The following ITGA6 variants were observed in gnomAD, a reference collection of about 807,000 sequenced individuals.
ITGA6 encodes integrin alpha-6.
Under a neutral mutation model 133.6 loss-of-function variants are expected in ITGA6, and 63 were observed. That is an observed-to-expected ratio of 0.47 (90% CI 0.38 to 0.58). ITGA6 has a LOEUF of 0.58. ITGA6 is among the 20% of genes least tolerant of loss of function. The pLI is 0.00. For synonymous variants in ITGA6, 434 were observed against 482.0 expected, an observed-to-expected ratio of 0.90 and a Z score of 1.30; for missense variants, 1,068 against 1,309.4, an observed-to-expected ratio of 0.82 and a Z score of 2.85.
At position 172,486,176 on chromosome 2, in the gene ITGA6, C is replaced by CAAAAAAAAAAAAAAA. The variant is rs67271824; in HGVS notation, c.1855-840_1855-826dup. Among the ~76,000 whole-genome samples the CAAAAAAAAAAAAAAA allele has an allele frequency of 2.8e-4, 22 of 77,316 alleles. No individual in the cohort carries two copies. The East Asian group carries it at 7.0e-3, about 25-fold the overall frequency. The allele number at this position is 77,316 out of a possible 152,430, so 50.7% of individuals were successfully genotyped here. A position where few individuals can be genotyped will look rare whatever the true frequency, so the allele number is the denominator to read the frequency against. On this transcript the variant is annotated intron_variant, in intron 13 of 25. Transcript: ENST00000684293. ...GGCAAAAAGAGTAAGACTCTATCTC[C>CAAAAAAAAAAAAAAA]AAAAAAAAAAAAAAAAAAAAACAAC...
At chr2:172,478,553 C>T (rs1352100474) in intron 9 of ITGA6, among the ~76,000 whole-genome samples, 1 of 152,192 alleles carries the variant, frequency 6.6e-6, no homozygotes. Flanking sequence ...AGCAGTTGGG[C>T]CACAGACCCG....
In ITGA6 at chr2:172,487,996, C is replaced by T. The variant is rs771941288; in HGVS notation, c.2360C>T (p.Ala787Val). 1.9e-6 allele frequency: 3 copies of T among 1,613,798 alleles called. No homozygotes were observed. The African/African-American group carries it at 4.0e-5, about 22-fold the overall frequency. Reference sequence around the variant, plus strand: ...CAAGATAATTTGGCTCCAATTACAGCTAAAGCAAAAGTGGTTATTGAACTG... The same window carrying T: ...CAAGATAATTTGGCTCCAATTACAGTTAAAGCAAAAGTGGTTATTGAACTG... ...SNQDNLAPIT[A>V]KAKVVIELLL... The change falls in exon 18 of 26, where the codon GCT (alanine) becomes GTT (valine). Residue 787 changes from alanine to valine, a missense_variant. Ala to Val is a moderately conservative substitution (Grantham distance 64). Coordinates refer to ENST00000684293, the MANE Select transcript of ITGA6 (RefSeq NM_000210.4).
intron 11 of ITGA6, among the ~76,000 whole-genome samples, chr2:172,481,788 A>T (rs1428477333): frequency 6.6e-6 from 1 of 152,132 alleles, no homozygotes. Context: ...CATTTTGTCG[A>T]GTGTAGAAAG....
intron 8 of ITGA6, 133 bp from the exon 9 acceptor site, chr2:172,476,262 T>C: frequency 2.8e-6 from 2 of 711,638 alleles, no homozygotes. Flanking sequence ...TTATGACTTG[T>C]ATATAATATA....
chr2:172,498,180 G>A (rs923916871), intron 24 of ITGA6, 80 bp downstream of exon 24: 19 of 1,394,450 alleles, frequency 1.4e-5, no homozygotes, highest in African/African-American at 7.1e-5. Context: ...CTGATAGTAC[G>A]TTTTCTTTTT....
chr2:172,437,961 C>T (rs1684392972), intron 1 of ITGA6, among the ~76,000 whole-genome samples: 1 of 151,676 alleles, frequency 6.6e-6, no homozygotes, highest in South Asian at 2.1e-4. Context: ...GTAGAAGCCA[C>T]TGGTGACCTT....
chr2:172,483,284 T>C (rs1272776942), intron 11 of ITGA6, among the ~76,000 whole-genome samples: 3 of 152,162 alleles, frequency 2.0e-5, no homozygotes, highest in African/African-American at 7.2e-5. Flanking sequence ...CCTGGGCATC[T>C]AAGACCCTGT....
At chr2:172,470,097 T>A (rs896619073) in intron 4 of ITGA6, among the ~76,000 whole-genome samples, 1 of 152,174 alleles carries the variant, frequency 6.6e-6, no homozygotes, top group Admixed American at 6.5e-5. Context: ...TTTTGAGAAA[T>A]GTATTAATAA....
chr2:172,459,661 T>A (rs1169975567), intron 1 of ITGA6, among the ~76,000 whole-genome samples: 1 of 152,210 alleles, frequency 6.6e-6, no homozygotes, highest in Non-Finnish European at 1.5e-5. Context: ...GAGAGCAGCA[T>A]AAAGACATTT....
At chr2:172,457,838 T>TA (rs1685275278) in intron 1 of ITGA6, among the ~76,000 whole-genome samples, 1 of 152,060 alleles carries the variant, frequency 6.6e-6, no homozygotes, top group East Asian at 1.9e-4. Context: ...GCAAACTAGG[T>TA]ATATGGTTTT....
chr2:172,474,176 A>G lies in ITGA6; in HGVS notation c.897A>G (p.Ala299=). The G allele has an allele frequency of 6.2e-7, 1 of 1,614,160 alleles. No individual in the cohort carries two copies. The highest frequency in any genetic ancestry group is 1.3e-5 in the African/African-American group (1 of 75,046). ...TGCTGAAGAGAGACATGAAGTCTGC[A>G]CATCTCCTCCCTGAGCACATATTCG... The part of the protein sequence containing the change: ...VVLLKRDMKS[A]HLLPEHIFDG... Residue 299 remains alanine, a synonymous_variant, in exon 6 of 26, where the codon GCA becomes GCG. Coordinates refer to ENST00000684293, the MANE Select transcript of ITGA6 (RefSeq NM_000210.4).
At chr2:172,485,381 A>T (rs1686623118) in intron 13 of ITGA6, 117 bp downstream of exon 13, 1 of 946,132 alleles carries the variant, frequency 1.1e-6, no homozygotes, top group South Asian at 1.3e-5. Context: ...CTTTTGTGTT[A>T]ATATGTTTTT....
chr2:172,472,022 G>A (rs1290271163), intron 5 of ITGA6, among the ~76,000 whole-genome samples: 1 of 152,164 alleles, frequency 6.6e-6, no homozygotes, highest in Non-Finnish European at 1.5e-5. Context: ...TAGTAAACAC[G>A]CACTAATAAG....
intron 25 of ITGA6, 135 bp from the exon 26 acceptor site, chr2:172,503,956 T>TAGGGGA (rs1687453793): frequency 1.7e-6 from 1 of 601,896 alleles, no homozygotes; most frequent in Non-Finnish European, 2.6e-6. Context: ...GGTTCTTTCT[T>TAGGGGA]AAAAGAAAAC....
chr2:172,482,181 TTA>T (rs1686474723), intron 11 of ITGA6, among the ~76,000 whole-genome samples: 1 of 152,216 alleles, frequency 6.6e-6, no homozygotes, highest in Admixed American at 6.5e-5. Flanking sequence ...TGTATTACTT[TTA>T]TGTTATGTAG....
At chr2:172,456,202 G>A (rs1398764550) in intron 1 of ITGA6, among the ~76,000 whole-genome samples, 1 of 152,224 alleles carries the variant, frequency 6.6e-6, no homozygotes, top group Admixed American at 6.5e-5. Context: ...GGAGGGTCAA[G>A]CTGCGGGAAA....
At chr2:172,478,051 C>T (rs1240180828) in intron 9 of ITGA6, among the ~76,000 whole-genome samples, 1 of 138,114 alleles carries the variant, frequency 7.2e-6, no homozygotes, top group Admixed American at 7.1e-5. Flanking sequence ...ATGTTCTAGG[C>T]AGAAATGTCT....
intron 1 of ITGA6, among the ~76,000 whole-genome samples, chr2:172,444,190 A>G (rs1559118357): frequency 6.6e-6 from 1 of 152,194 alleles, no homozygotes; most frequent in Admixed American, 6.5e-5. Context: ...TGAACCCACC[A>G]TTCTTGTAAC....
chr2:172,445,573 C>T (rs1365427965), intron 1 of ITGA6, among the ~76,000 whole-genome samples: 3 of 149,452 alleles, frequency 2.0e-5, no homozygotes, highest in African/African-American at 4.9e-5. Context: ...GGCCTGAACC[C>T]GGGAGGCGGA....
Sources: gnomAD v4.1 joint callset for allele counts (sites outside exome capture counted in the v4.1 genomes callset) on GRCh38, gnomAD v4.1.1 for gene constraint, MANE v1.5 for transcripts, NCBI Gene and HGNC (gene_info 2026-07-23, HGNC 2026-07-21) for gene names.